The following CLSPN variants were observed in gnomAD, a reference collection of about 807,000 sequenced individuals.
The protein encoded by CLSPN is claspin, also known as claspin homolog.
CLSPN carries 85 observed loss-of-function variants against 156.3 expected under a neutral mutation model. That is an observed-to-expected ratio of 0.54 (90% CI 0.46 to 0.65). The LOEUF (loss-of-function observed/expected upper bound fraction) is 0.65. Ranked by LOEUF, CLSPN falls within the 30% of genes least tolerant of loss-of-function variation. CLSPN has a pLI of 0.00. For missense variants in CLSPN, 1,407 were observed against 1,554.9 expected, an observed-to-expected ratio of 0.90 and a Z score of 1.60; for synonymous variants, 534 against 542.4, an observed-to-expected ratio of 0.98 and a Z score of 0.22.
intron 24 of CLSPN, chr1:35,720,991 A>G: frequency 6.3e-7 from 1 of 1,587,870 alleles, no homozygotes; most frequent in Non-Finnish European, 8.6e-7. Context: ...CTGAAACGAA[A>G]TTAAAGGAAG....
chr1:35,756,421 C>T (rs993398646), intron 8 of CLSPN, among the ~76,000 whole-genome samples: 1 of 152,154 alleles, frequency 6.6e-6, no homozygotes, highest in African/African-American at 2.4e-5. Context: ...CTCTTCCTCC[C>T]CCAACCCATT....
chr1:35,764,369 C>T lies in CLSPN; in HGVS notation c.479G>A (p.Gly160Glu). 3 of 1,611,042 alleles carry T rather than the reference C, an allele frequency of 1.9e-6. No homozygotes were observed. Among genetic ancestry groups the T allele is most frequent in the African/African-American group, 1.3e-5 (1 of 74,834 alleles). ...TTTTACTTTTGCTTTTCCTGCAGTT[C>T]CTTCTTTATCATGTATGTGCTTTTT... Reference protein sequence around the residue: ...SSKKHIHDKEGTAGKAKVKSK... With the variant: ...SSKKHIHDKEETAGKAKVKSK... Residue 160 changes from glycine to glutamate, a missense_variant, in exon 3 of 25, where the codon GGA becomes GAA. Coordinates refer to ENST00000318121, the MANE Select transcript of CLSPN (RefSeq NM_022111.4).
intron 12 of CLSPN, 156 bp from the exon 13 acceptor site, chr1:35,748,760 A>G (rs1641980510): frequency 1.5e-6 from 1 of 650,694 alleles, no homozygotes. Flanking sequence ...AAATTACAGT[A>G]CTAAGATAGC....
chr1:35,747,824 A>C (rs1191900000), intron 14 of CLSPN, 83 bp downstream of exon 14: 3 of 1,283,354 alleles, frequency 2.3e-6, no homozygotes, highest in Non-Finnish European at 3.3e-6. Flanking sequence ...GCACAGATGG[A>C]GTGACAGAAG....
intron 22 of CLSPN, 120 bp downstream of exon 22, chr1:35,737,872 G>C: frequency 1.9e-6 from 1 of 514,792 alleles, no homozygotes; most frequent in Non-Finnish European, 3.4e-6. Flanking sequence ...GCCTCTTTAA[G>C]ACAGTATTAG....
rs374089113 is a variant in CLSPN at position 35,762,082 on chromosome 1, C to T, written c.823-12G>A. 17 of 1,570,192 alleles carry T rather than the reference C, an allele frequency of 1.1e-5. No homozygotes were observed. In the African/African-American group the frequency reaches 1.5e-4, roughly 14 times the overall value. On this transcript the variant is annotated splice_polypyrimidine_tract_variant and intron_variant, in intron 5 of 24. Coordinates refer to ENST00000318121, the MANE Select transcript of CLSPN (RefSeq NM_022111.4). ...GCTGCCTTTCTTTCCTTAAAGAAAA[C>T]AAGAAGTGAGACTACATTAATTATA...
intron 18 of CLSPN, among the ~76,000 whole-genome samples, chr1:35,740,115 T>G (rs1031989158): frequency 6.6e-6 from 1 of 152,208 alleles, no homozygotes; most frequent in Non-Finnish European, 1.5e-5. Context: ...TCAAACTATT[T>G]CATTTTGCAT....
Position 35,734,165 on chromosome 1 carries a change from G to A in CLSPN, c.*2331C>T, listed in dbSNP as rs1641387903. 1 of 985,236 alleles carries A rather than the reference G, an allele frequency of 1.0e-6. No individual in the cohort carries two copies. The highest frequency in any genetic ancestry group is 1.2e-6 in the Non-Finnish European group (1 of 829,928). The allele number at this position is 985,236 out of a possible 1,614,324, so 61.0% of individuals were successfully genotyped here. A position where few individuals can be genotyped will look rare whatever the true frequency, so the allele number is the denominator to read the frequency against. ...AGTTTAGACCCAGAGGGTTTCCCTG[G>A]GATGGAGATAACCTGAAAATGAAAT... On this transcript the variant is annotated 3_prime_UTR_variant, in exon 25 of 25. Coordinates refer to ENST00000318121, the MANE Select transcript of CLSPN (RefSeq NM_022111.4).
chr1:35,758,481 C>G (rs1484231802), intron 8 of CLSPN, among the ~76,000 whole-genome samples: 3 of 152,030 alleles, frequency 2.0e-5, no homozygotes, highest in Admixed American at 2.0e-4. Flanking sequence ...CCTGTCTCTA[C>G]TAAAAATACA....
chr1:35,739,016 G>C (rs1196248099), intron 20 of CLSPN, 120 bp downstream of exon 20: 2 of 1,163,528 alleles, frequency 1.7e-6, no homozygotes, highest in Admixed American at 2.2e-5. Flanking sequence ...GTTCAGGCTG[G>C]TCCTGAACTC....
chr1:35,726,967 A>G (rs1641205571), intron 24 of CLSPN, among the ~76,000 whole-genome samples: 1 of 152,128 alleles, frequency 6.6e-6, no homozygotes, highest in African/African-American at 2.4e-5. Context: ...TTGCCGGGGA[A>G]AAGGCTTCAA....
At chr1:35,747,777 T>C (rs1641941128) in intron 14 of CLSPN, 130 bp downstream of exon 14, 3 of 828,134 alleles carry the variant, frequency 3.6e-6, no homozygotes, top group Admixed American at 2.5e-5. Context: ...AATGTAATAC[T>C]AATGGTCTGT....
Position 35,760,750 on chromosome 1 carries a change from T to C in CLSPN, c.1171A>G (p.Thr391Ala), listed in dbSNP as rs1340303278. 6.2e-7 allele frequency: 1 copy of C among 1,613,912 alleles called. No homozygotes were observed. Among genetic ancestry groups the C allele is most frequent in the South Asian group, 1.1e-5 (1 of 91,086 alleles). The change falls in exon 8 of 25, where the codon ACT (threonine) becomes GCT (alanine). Residue 391 changes from threonine (T) to alanine (A), a missense_variant. Thr to Ala is a moderately conservative substitution (Grantham distance 58, BLOSUM62 0). Coordinates refer to ENST00000318121, the MANE Select transcript of CLSPN (RefSeq NM_022111.4). ...TTCCTGCAAGACTCATCTGATCCAGTAATGATCTGGGTTTCCTTTGAAACT... is the reference window on the plus strand; with the variant it reads ...TTCCTGCAAGACTCATCTGATCCAGCAATGATCTGGGTTTCCTTTGAAACT... The part of the protein sequence containing the change: ...PVVSKETQII[T>A]GSDESCRKDL...
intron 12 of CLSPN, among the ~76,000 whole-genome samples, chr1:35,749,079 C>A (rs1465995539): frequency 6.6e-6 from 1 of 152,122 alleles, no homozygotes; most frequent in Non-Finnish European, 1.5e-5. Flanking sequence ...CCTGCCTCAG[C>A]CTCCCAAAGT....
intron 23 of CLSPN, 106 bp from the exon 24 acceptor site, chr1:35,737,181 C>A: frequency 7.8e-7 from 1 of 1,276,440 alleles, no homozygotes; most frequent in Admixed American, 2.0e-5. Context: ...CATATGCCTA[C>A]CCTATTCAAA....
chr1:35,748,209 T>C, intron 13 of CLSPN, 148 bp from the exon 14 acceptor site: 1 of 1,002,120 alleles, frequency 1.0e-6, no homozygotes, highest in Non-Finnish European at 1.5e-6. Flanking sequence ...ATGAGAAGCA[T>C]AAAGAAAAAT....
intron 13 of CLSPN, 66 bp from the exon 14 acceptor site, chr1:35,748,127 C>G: frequency 1.3e-6 from 2 of 1,537,290 alleles, no homozygotes; most frequent in Non-Finnish European, 1.8e-6. Flanking sequence ...GTCATGACAA[C>G]CACAAAAGTT....
chr1:35,727,371 G>T (rs4653146), downstream of CLSPN, among the ~76,000 whole-genome samples: 148,132 of 152,264 alleles, frequency 0.97, 72,174 homozygotes, highest in Non-Finnish European at 1. Flanking sequence ...AGGCCAGGCC[G>T]TTACACACCT....
Position 35,749,790 on chromosome 1 carries a change from T to A in CLSPN, c.2050A>T (p.Ser684Cys). ...NQETAEFLLS[S>C]EEIETKDEKE... is the part of the protein sequence containing the mutation. ...TCATCTTTTGTTTCTATTTCTTCAC[T>A]ACTAAGAAGGAATTCTGCAGTCTTT... is the stretch of plus-strand genomic sequence containing the variant. Residue 684 changes from serine to cysteine, a missense_variant, in exon 11 of 25, where the codon AGT becomes TGT. Physicochemically the swap from Ser to Cys is moderately radical, Grantham distance 112. Transcript: ENST00000318121. 6.2e-7 allele frequency: 1 copy of A among 1,613,946 alleles called. No individual in the cohort carries two copies.
Sources: allele counts gnomAD v4.1 joint callset (sites outside exome capture counted in the v4.1 genomes callset), GRCh38; gene constraint gnomAD v4.1.1; transcripts MANE v1.5; gene names NCBI Gene and HGNC (gene_info 2026-07-23, HGNC 2026-07-21).